The following EXT1 variants were observed in gnomAD, a reference collection of about 807,000 sequenced individuals.
EXT1 encodes exostosin glycosyltransferase 1.
EXT1 carries 20 observed loss-of-function variants against 82.5 expected under a neutral mutation model. The ratio of observed to expected loss-of-function variants is 0.24; its 90% CI spans 0.17 to 0.35. The LOEUF (loss-of-function observed/expected upper bound fraction) is 0.35, where lower values mean the gene tolerates loss of function less well. EXT1 is among the 10% of genes least tolerant of loss of function. The pLI is 1.00. For synonymous variants in EXT1, 348 were observed against 350.8 expected (o/e 0.99, Z 0.09); for missense variants, 757 against 936.5 (o/e 0.81, Z 2.50).
rs1823140929 is a variant in EXT1 at position 117,799,963 on chromosome 8, G to A, written c.2056-66C>T. On this transcript the variant is annotated intron_variant, in intron 10 of 10. Transcript: ENST00000378204. ...TGCAAGGTGAGATGGAAACATTGCA[G>A]AAAATGGAGTCAGGCAAATGAGCAA... is the stretch of plus-strand genomic sequence containing the variant. 7.8e-6 allele frequency: 12 copies of A among 1,540,972 alleles called. No individual in the cohort carries two copies. In the South Asian group the frequency reaches 1.4e-4, roughly 18 times the overall value.
At chr8:117,884,424 G>A (rs778457789) in intron 1 of EXT1, among the ~76,000 whole-genome samples, 3 of 152,182 alleles carry the variant, frequency 2.0e-5, no homozygotes, top group Non-Finnish European at 2.9e-5. Flanking sequence ...ACTTGGAGGT[G>A]CTGGAGGTAA....
At chr8:117,882,956 G>A (rs1247827306) in intron 1 of EXT1, among the ~76,000 whole-genome samples, 6 of 138,270 alleles carry the variant, frequency 4.3e-5, no homozygotes, top group African/African-American at 1.4e-4. Flanking sequence ...CGGCCTGGGC[G>A]ACAAAATGAG....
intron 1 of EXT1, among the ~76,000 whole-genome samples, chr8:117,857,767 T>A (rs879539622): frequency 1.3e-5 from 2 of 152,236 alleles, no homozygotes; most frequent in Admixed American, 1.3e-4. Context: ...TTTATAAGGC[T>A]ATAGCTGACA....
chr8:118,109,732 C>A (rs970557556), intron 1 of EXT1, among the ~76,000 whole-genome samples: 1 of 152,150 alleles, frequency 6.6e-6, no homozygotes, highest in Non-Finnish European at 1.5e-5. Context: ...TCTAGATACC[C>A]TCAGAAACAC....
intron 1 of EXT1, among the ~76,000 whole-genome samples, chr8:117,988,331 C>T (rs570407536): frequency 1.4e-3 from 216 of 152,256 alleles, no homozygotes; most frequent in Middle Eastern, 3.4e-3. Context: ...ATAAGAGATT[C>T]TCAAAATTTA....
At chr8:118,047,762 C>T (rs749625646) in intron 1 of EXT1, among the ~76,000 whole-genome samples, 23 of 152,076 alleles carry the variant, frequency 1.5e-4, no homozygotes, top group Admixed American at 5.2e-4. Flanking sequence ...AACTGGATGC[C>T]CCATAGTTCT....
At chr8:117,928,500 T>C (rs558364205) in intron 1 of EXT1, among the ~76,000 whole-genome samples, 20 of 152,366 alleles carry the variant, frequency 1.3e-4, no homozygotes, top group Non-Finnish European at 2.5e-4. Context: ...CAAACTTTCT[T>C]AAAATCTTCA....
chr8:117,906,269 C>T (rs1676179866), intron 1 of EXT1, among the ~76,000 whole-genome samples: 1 of 152,198 alleles, frequency 6.6e-6, no homozygotes, highest in African/African-American at 2.4e-5. Flanking sequence ...ATTCTTGGAA[C>T]ACAAGTTCGG....
At chr8:118,078,836 GAC>G (rs1296034531) in intron 1 of EXT1, among the ~76,000 whole-genome samples, 16 of 152,082 alleles carry the variant, frequency 1.1e-4, no homozygotes, top group Non-Finnish European at 4.4e-5. Context: ...TCAAGTGAAA[GAC>G]AAATTGTTAC....
intron 1 of EXT1, among the ~76,000 whole-genome samples, chr8:117,898,412 G>A (rs751050691): frequency 2.6e-5 from 4 of 152,172 alleles, no homozygotes; most frequent in Non-Finnish European, 5.9e-5. Flanking sequence ...CAAACTCAGT[G>A]GACAGAAGGA....
rs1817904438 is a variant in EXT1 at position 118,111,563 on chromosome 8, T to A, written c.-517A>T. The A allele has an allele frequency of 9.2e-6, 4 of 433,674 alleles. No homozygotes were observed. The highest frequency in any genetic ancestry group is 1.6e-5 in the Non-Finnish European group (4 of 246,084). The allele number at this position is 433,674 out of a possible 1,614,324, so 26.9% of individuals were successfully genotyped here. Reference sequence around the variant, plus strand: ...CCGGGTTCAGCCGGCTAGTGCATCTTGCAGCTGGGGCGCCGTAACCTCACA... The same window carrying A: ...CCGGGTTCAGCCGGCTAGTGCATCTAGCAGCTGGGGCGCCGTAACCTCACA... On this transcript the variant is annotated 5_prime_UTR_variant, in exon 1 of 11. An upstream open reading frame in the 5' UTR gains an earlier in-frame stop. Coordinates refer to ENST00000378204, the MANE Select transcript of EXT1 (RefSeq NM_000127.3).
At chr8:117,949,300 G>T (rs1383867709) in intron 1 of EXT1, among the ~76,000 whole-genome samples, 1 of 151,992 alleles carries the variant, frequency 6.6e-6, no homozygotes, top group East Asian at 1.9e-4. Flanking sequence ...CCTTTAGTTT[G>T]AATACCAAAT....
chr8:117,898,574 T>G (rs1813385816), intron 1 of EXT1, among the ~76,000 whole-genome samples: 1 of 152,238 alleles, frequency 6.6e-6, no homozygotes, highest in South Asian at 2.1e-4. Flanking sequence ...TCGAACTTAT[T>G]TTCCCACTGT....
At chr8:117,847,679 G>A (rs867178042) in intron 1 of EXT1, among the ~76,000 whole-genome samples, 3 of 152,086 alleles carry the variant, frequency 2.0e-5, no homozygotes, top group East Asian at 1.9e-4. Context: ...AACTGAGCTC[G>A]AACCAATGTC....
intron 1 of EXT1, among the ~76,000 whole-genome samples, chr8:117,858,186 T>C (rs1357900444): frequency 1.3e-5 from 2 of 152,222 alleles, no homozygotes; most frequent in Non-Finnish European, 2.9e-5. Flanking sequence ...GAATATTACA[T>C]AAACTTAGTT....
rs56660440 is a variant in EXT1, at chr8:117,928,290, A to C, written c.963-91089T>G. Reference sequence around the variant, plus strand: ...AAATTCTATTTGAATGAGTGTGATGAACTAGGGTGGGAGTCTGTCTGCCCA... The same window carrying C: ...AAATTCTATTTGAATGAGTGTGATGCACTAGGGTGGGAGTCTGTCTGCCCA... On this transcript the variant is annotated intron_variant, in intron 1 of 10. Coordinates refer to ENST00000378204, the MANE Select transcript of EXT1 (RefSeq NM_000127.3). 4.3e-3 allele frequency among the ~76,000 whole-genome samples: 659 copies of C among 152,330 alleles called. 2 individuals carry two copies. Among genetic ancestry groups the C allele is most frequent in the South Asian group, 8.7e-3 (42 of 4,820 alleles).
intron 1 of EXT1, among the ~76,000 whole-genome samples, chr8:117,872,678 T>C (rs1812894710): frequency 6.6e-6 from 1 of 152,222 alleles, no homozygotes; most frequent in Non-Finnish European, 1.5e-5. Context: ...CAAATTATTA[T>C]TTTGATTATT....
At chr8:118,107,857 A>G (rs888823264) in intron 1 of EXT1, among the ~76,000 whole-genome samples, 3 of 152,202 alleles carry the variant, frequency 2.0e-5, no homozygotes, top group African/African-American at 7.2e-5. Context: ...GGCTACATGC[A>G]AGTTTAGGGC....
chr8:118,091,639 G>A (rs895223660), intron 1 of EXT1, among the ~76,000 whole-genome samples: 3 of 152,122 alleles, frequency 2.0e-5, no homozygotes, highest in African/African-American at 7.2e-5. Flanking sequence ...CAGCTACTCG[G>A]GAGACTGAAG....
Sources: allele counts gnomAD v4.1 joint callset (sites outside exome capture counted in the v4.1 genomes callset), GRCh38; gene constraint gnomAD v4.1.1; transcripts MANE v1.5; gene names NCBI Gene and HGNC (gene_info 2026-07-23, HGNC 2026-07-21).